CTNNA3: variants seen among roughly 807,000 people sequenced by gnomAD.
The protein encoded by CTNNA3 is catenin alpha-3.
In CTNNA3, 76 loss-of-function variants were observed where a neutral mutation model predicts 95.7. That is an observed-to-expected ratio of 0.79 (90% CI 0.66 to 0.96). The LOEUF (loss-of-function observed/expected upper bound fraction) is 0.96. Ranked by LOEUF, CTNNA3 falls within the 40% of genes least tolerant of loss-of-function variation. The pLI, the probability that CTNNA3 is intolerant of heterozygous loss-of-function variation, is 0.00. For missense variants in CTNNA3, 1,191 were observed against 1,089.8 expected, an observed-to-expected ratio of 1.09 and a Z score of -1.31; for synonymous variants, 431 against 374.4, an observed-to-expected ratio of 1.15 and a Z score of -1.74.
chr10:66,017,145 C>T (rs982520331), intron 15 of CTNNA3, among the ~76,000 whole-genome samples: 1 of 152,098 alleles, frequency 6.6e-6, no homozygotes, highest in Non-Finnish European at 1.5e-5. Flanking sequence ...TTGTGGAATG[C>T]AGTAACAGAA....
intron 12 of CTNNA3, among the ~76,000 whole-genome samples, chr10:66,358,836 T>G (rs2092631286): frequency 6.6e-6 from 1 of 152,220 alleles, no homozygotes; most frequent in Admixed American, 6.5e-5. Flanking sequence ...AGATTCCTAC[T>G]TTTGTTCTTA....
At chr10:66,672,164 G>C (rs1006970563) in intron 9 of CTNNA3, among the ~76,000 whole-genome samples, 7 of 152,154 alleles carry the variant, frequency 4.6e-5, no homozygotes, top group African/African-American at 1.7e-4. Flanking sequence ...ACTCCTACTG[G>C]CTAGCTATGT....
At chr10:66,637,159 C>T (rs528821434) in intron 9 of CTNNA3, among the ~76,000 whole-genome samples, 4 of 152,104 alleles carry the variant, frequency 2.6e-5, no homozygotes, top group Admixed American at 6.5e-5. Flanking sequence ...AGAAATGTTT[C>T]GTTTAAATAC....
chr10:66,849,574 GT>G (rs1843405314), intron 7 of CTNNA3, among the ~76,000 whole-genome samples: 1 of 152,104 alleles, frequency 6.6e-6, no homozygotes, highest in Non-Finnish European at 1.5e-5. Flanking sequence ...ATTGGAGTGG[GT>G]CCTAAATCCA....
At position 67,584,460 on chromosome 10, in the gene CTNNA3, A is replaced by C. The variant is rs1842545769; in HGVS notation, c.292+22397T>G. On this transcript the variant is annotated intron_variant, in intron 3 of 17. Coordinates refer to ENST00000433211, the MANE Select transcript of CTNNA3 (RefSeq NM_013266.4). Reference sequence around the variant, plus strand: ...TCTCAGAGGGTCACCCAGCTGTATGAGGTTTCAGTCAGACCCTCCTGGGAG... The same window carrying C: ...TCTCAGAGGGTCACCCAGCTGTATGCGGTTTCAGTCAGACCCTCCTGGGAG... Among the ~76,000 whole-genome samples the C allele has an allele frequency of 2.0e-5, 3 of 152,148 alleles. No homozygotes were observed. The South Asian group carries it at 6.2e-4, about 32-fold the overall frequency.
intron 11 of CTNNA3, among the ~76,000 whole-genome samples, chr10:66,472,027 A>C (rs1362155486): frequency 6.6e-6 from 1 of 152,006 alleles, no homozygotes; most frequent in Non-Finnish European, 1.5e-5. Flanking sequence ...CATTATGGGC[A>C]AAACAGCAGA....
chr10:67,547,389 C>T (rs183327862), intron 3 of CTNNA3, among the ~76,000 whole-genome samples: 2 of 152,218 alleles, frequency 1.3e-5, no homozygotes, highest in African/African-American at 4.8e-5. Context: ...TATAATCAGC[C>T]TCAACAAAGT....
At chr10:67,418,314 G>A (rs556119865) in intron 5 of CTNNA3, among the ~76,000 whole-genome samples, 9 of 152,088 alleles carry the variant, frequency 5.9e-5, no homozygotes, top group African/African-American at 1.9e-4. Context: ...TCTCAAAATC[G>A]TAAAAATAGA....
intron 15 of CTNNA3, among the ~76,000 whole-genome samples, chr10:66,010,195 C>G (rs1169376889): frequency 1.3e-5 from 2 of 152,156 alleles, no homozygotes; most frequent in Non-Finnish European, 2.9e-5. Flanking sequence ...ATGTTACTAT[C>G]ATCTACGATG....
chr10:66,588,840 T>C (rs1455299887), intron 10 of CTNNA3, among the ~76,000 whole-genome samples: 1 of 152,060 alleles, frequency 6.6e-6, no homozygotes, highest in African/African-American at 2.4e-5. Context: ...AGGCAAAAAT[T>C]CATTACAATT....
intron 7 of CTNNA3, among the ~76,000 whole-genome samples, chr10:66,839,849 C>T (rs1776771634): frequency 6.6e-6 from 1 of 152,092 alleles, no homozygotes; most frequent in African/African-American, 2.4e-5. Flanking sequence ...AATTTATACA[C>T]TTTACTCCTT....
chr10:66,265,723 C>T (rs545564609), intron 13 of CTNNA3, among the ~76,000 whole-genome samples: 2 of 152,042 alleles, frequency 1.3e-5, no homozygotes, highest in Admixed American at 6.6e-5. Context: ...AACTAAAATT[C>T]GATCTCCTCA....
chr10:66,164,131 T>C (rs1384912769), intron 13 of CTNNA3, among the ~76,000 whole-genome samples: 1 of 152,190 alleles, frequency 6.6e-6, no homozygotes, highest in African/African-American at 2.4e-5. Context: ...GTAATTATTG[T>C]AGGGGCAGGG....
At chr10:67,087,482 T>C (rs1857370534) in intron 7 of CTNNA3, among the ~76,000 whole-genome samples, 1 of 151,968 alleles carries the variant, frequency 6.6e-6, no homozygotes, top group African/African-American at 2.4e-5. Context: ...AAAAGTTTTA[T>C]ACATTTAGAT....
intron 7 of CTNNA3, among the ~76,000 whole-genome samples, chr10:66,933,650 C>T (rs906042982): frequency 1.3e-5 from 2 of 152,002 alleles, no homozygotes; most frequent in African/African-American, 4.8e-5. Flanking sequence ...AAGACTGTGC[C>T]CAAGATCTCC....
intron 5 of CTNNA3, among the ~76,000 whole-genome samples, chr10:67,330,741 G>A (rs576185651): frequency 1.3e-5 from 2 of 151,614 alleles, no homozygotes; most frequent in South Asian, 2.1e-4. Context: ...CATTAATAAA[G>A]TTAGGCAGAA....
At chr10:66,910,700 A>C (rs1054000272) in intron 7 of CTNNA3, among the ~76,000 whole-genome samples, 1 of 152,254 alleles carries the variant, frequency 6.6e-6, no homozygotes, top group African/African-American at 2.4e-5. Flanking sequence ...GGTGAACACA[A>C]GACAGGTGAC....
chr10:66,729,443 T>C (rs535322460), intron 9 of CTNNA3, among the ~76,000 whole-genome samples: 1 of 152,330 alleles, frequency 6.6e-6, no homozygotes, highest in South Asian at 2.1e-4. Flanking sequence ...GCAATCCCAT[T>C]ACTGGGTATA....
intron 10 of CTNNA3, among the ~76,000 whole-genome samples, chr10:66,569,807 G>T (rs1272228540): frequency 6.6e-6 from 1 of 152,104 alleles, no homozygotes; most frequent in African/African-American, 2.4e-5. Context: ...AAGATATTAT[G>T]AGCAATATCA....
Sources: allele counts gnomAD v4.1 joint callset (sites outside exome capture counted in the v4.1 genomes callset), GRCh38; gene constraint gnomAD v4.1.1; transcripts MANE v1.5; gene names NCBI Gene and HGNC (gene_info 2026-07-23, HGNC 2026-07-21).